CCSER1: variants seen among roughly 807,000 people sequenced by gnomAD.
CCSER1 encodes serine-rich coiled-coil domain-containing protein 1.
A neutral mutation model predicts 82.0 loss-of-function variants in CCSER1; 41 were observed. The ratio of observed to expected loss-of-function variants is 0.50; its 90% CI spans 0.39 to 0.65. The LOEUF (loss-of-function observed/expected upper bound fraction) is 0.65, where lower values mean the gene tolerates loss of function less well. Ranked by LOEUF, CCSER1 falls within the 30% of genes least tolerant of loss-of-function variation. The probability of loss-of-function intolerance (pLI) is 0.00; values close to 1 mark genes in which losing one functional copy is unlikely to be tolerated. For synonymous variants in CCSER1, 414 were observed against 383.9 expected, an observed-to-expected ratio of 1.08 and a Z score of -0.92; for missense variants, 1,119 against 1,064.2, an observed-to-expected ratio of 1.05 and a Z score of -0.72.
intron 1 of CCSER1, among the ~76,000 whole-genome samples, chr4:90,129,790 T>C (rs943673889): frequency 3.9e-5 from 6 of 152,240 alleles, no homozygotes; most frequent in African/African-American, 1.2e-4. Flanking sequence ...GTTAGATTTA[T>C]ATTACTTTGA....
At chr4:91,015,722 A>T (rs1204769885) in intron 9 of CCSER1, among the ~76,000 whole-genome samples, 4 of 151,938 alleles carry the variant, frequency 2.6e-5, no homozygotes, top group African/African-American at 9.7e-5. Context: ...ACTCAGAAAA[A>T]AATATTAATC....
intron 6 of CCSER1, among the ~76,000 whole-genome samples, chr4:90,643,631 A>T (rs1244262403): frequency 1.3e-5 from 2 of 152,222 alleles, no homozygotes; most frequent in African/African-American, 2.4e-5. Flanking sequence ...CTCAATACGT[A>T]TTAGATATTA....
chr4:91,318,448 G>A (rs867250923), intron 10 of CCSER1, among the ~76,000 whole-genome samples: 1 of 152,050 alleles, frequency 6.6e-6, no homozygotes, highest in Middle Eastern at 3.4e-3. Flanking sequence ...CTGAGTTTGA[G>A]TGAAATTCCT....
intron 4 of CCSER1, among the ~76,000 whole-genome samples, chr4:90,428,613 A>G (rs556220674): frequency 6.6e-6 from 1 of 152,000 alleles, no homozygotes; most frequent in South Asian, 2.1e-4. Context: ...GGATCATCAT[A>G]AAAGTCTTTG....
At chr4:91,243,780 G>A (rs1581831884) in intron 10 of CCSER1, among the ~76,000 whole-genome samples, 2 of 152,152 alleles carry the variant, frequency 1.3e-5, no homozygotes, top group Admixed American at 6.5e-5. Flanking sequence ...CGGAGTATGT[G>A]GTGGGCCTTT....
At chr4:90,252,181 A>T (rs935553353) in intron 1 of CCSER1, among the ~76,000 whole-genome samples, 6 of 151,858 alleles carry the variant, frequency 4.0e-5, no homozygotes, top group Non-Finnish European at 8.8e-5. Context: ...AGCAACCCAA[A>T]TCCAAAAATT....
At chr4:91,441,589 C>T (rs1755154438) in intron 10 of CCSER1, among the ~76,000 whole-genome samples, 1 of 152,190 alleles carries the variant, frequency 6.6e-6, no homozygotes, top group Admixed American at 6.5e-5. Context: ...CTCACCACTC[C>T]TATTCCACAT....
At chr4:91,022,140 A>C in intron 9 of CCSER1, among the ~76,000 whole-genome samples, 1 of 135,578 alleles carries the variant, frequency 7.4e-6, no homozygotes. Context: ...TCCTAATGCT[A>C]TCCCTCCCCC....
chr4:91,592,271 A>G (rs995395538), intron 10 of CCSER1, among the ~76,000 whole-genome samples: 15 of 152,138 alleles, frequency 9.9e-5, no homozygotes, highest in African/African-American at 3.1e-4. Flanking sequence ...TTATAAAACT[A>G]TCTGATCTCG....
chr4:90,621,470 T>A (rs144189957), intron 5 of CCSER1, among the ~76,000 whole-genome samples: 248 of 152,060 alleles, frequency 1.6e-3, no homozygotes, highest in Non-Finnish European at 2.4e-3. Flanking sequence ...TCTGGGTTTT[T>A]TTTTTTTCAT....
At chr4:90,922,882 G>T (rs1352183971) in intron 8 of CCSER1, among the ~76,000 whole-genome samples, 1 of 152,128 alleles carries the variant, frequency 6.6e-6, no homozygotes, top group Non-Finnish European at 1.5e-5. Context: ...GGTCGGATTT[G>T]TGTCAGTCTC....
At chr4:90,627,933 CT>C in intron 5 of CCSER1, 91 bp from the exon 6 acceptor site, 1 of 915,880 alleles carries the variant, frequency 1.1e-6, no homozygotes, top group Non-Finnish European at 1.8e-6. Flanking sequence ...GAAATACTTT[CT>C]AGGATACTAG....
intron 5 of CCSER1, among the ~76,000 whole-genome samples, chr4:90,513,770 A>G (rs1343523274): frequency 1.3e-5 from 2 of 152,190 alleles, no homozygotes; most frequent in African/African-American, 2.4e-5. Context: ...ATTTGAATAA[A>G]TCAGGAAACA....
intron 1 of CCSER1, among the ~76,000 whole-genome samples, chr4:90,164,603 A>C (rs1406782079): frequency 1.3e-5 from 2 of 152,140 alleles, no homozygotes; most frequent in Non-Finnish European, 2.9e-5. Context: ...ATAGATCCAT[A>C]AAAAGAATCT....
chr4:91,097,067 G>T lies in CCSER1; in HGVS notation c.2217+11073G>T, dbSNP rs979065515. ...CTCCAAGTGCCAGGTCCTTCCCAGT[G>T]TCCAGCCGGTGCCTGTGTGCACAGT... is the stretch of plus-strand genomic sequence containing the variant. On this transcript the variant is annotated intron_variant, in intron 10 of 10. Transcript: ENST00000509176. Among the ~76,000 whole-genome samples the T allele has an allele frequency of 5.3e-5, 8 of 152,256 alleles. No homozygotes were observed. In the East Asian group the frequency reaches 1.4e-3, roughly 26 times the overall value.
intron 1 of CCSER1, among the ~76,000 whole-genome samples, chr4:90,161,362 C>T (rs78456886): frequency 0.024 from 3,695 of 152,172 alleles, 142 homozygotes; most frequent in African/African-American, 0.083. Flanking sequence ...ATTATTCTCA[C>T]CTGCCATATG....
chr4:90,190,671 G>T (rs1735458468), intron 1 of CCSER1, among the ~76,000 whole-genome samples: 1 of 152,066 alleles, frequency 6.6e-6, no homozygotes. Context: ...GATTCCACTT[G>T]CCCTAAGGCC....
At chr4:90,941,639 C>A (rs893153432) in intron 9 of CCSER1, among the ~76,000 whole-genome samples, 2 of 152,192 alleles carry the variant, frequency 1.3e-5, no homozygotes, top group Admixed American at 6.5e-5. Flanking sequence ...TCTCCAAATA[C>A]AGTTATATAC....
At chr4:90,189,262 A>T (rs1482225229) in intron 1 of CCSER1, among the ~76,000 whole-genome samples, 1 of 151,976 alleles carries the variant, frequency 6.6e-6, no homozygotes, top group African/African-American at 2.4e-5. Context: ...CAAGAAAGGC[A>T]CCTCTGAGTC....
Sources: gnomAD v4.1 joint callset for allele counts (sites outside exome capture counted in the v4.1 genomes callset) on GRCh38, gnomAD v4.1.1 for gene constraint, MANE v1.5 for transcripts, NCBI Gene and HGNC (gene_info 2026-07-23, HGNC 2026-07-21) for gene names.